MRPS7: variants seen among roughly 807,000 people sequenced by gnomAD.
The protein encoded by MRPS7 is small ribosomal subunit protein uS7m.
Under a neutral mutation model 26.2 loss-of-function variants are expected in MRPS7, and 13 were observed. The ratio of observed to expected loss-of-function variants is 0.50; its 90% CI spans 0.32 to 0.79. The LOEUF is 0.79. Among genes scored for constraint, MRPS7 ranks in the 30% least tolerant of loss-of-function variants. The pLI is 0.03. For synonymous variants in MRPS7, 129 were observed against 113.3 expected (o/e 1.14, Z -0.88); for missense variants, 318 against 312.2 (o/e 1.02, Z -0.14).
chr17:75,265,197 C>T (rs1331909161), intron 4 of MRPS7, among the ~76,000 whole-genome samples: 2 of 93,240 alleles, frequency 2.1e-5, no homozygotes, highest in African/African-American at 7.4e-5. Context: ...TGCCACCACG[C>T]CCAGCTAATT....
At chr17:75,265,382 C>T (rs1248954442) in intron 4 of MRPS7, among the ~76,000 whole-genome samples, 2 of 151,584 alleles carry the variant, frequency 1.3e-5, no homozygotes, top group Non-Finnish European at 2.9e-5. Context: ...GTTATATTGA[C>T]GAGGCTGGTC....
intron 1 of MRPS7, 34 bp from the exon 2 acceptor site, chr17:75,262,463 C>T (rs2077421696): frequency 1.2e-6 from 2 of 1,606,036 alleles, no homozygotes. Flanking sequence ...GTGGAGTCAG[C>T]TTTTGCCTGC....
intron 1 of MRPS7, 168 bp downstream of exon 1, chr17:75,262,151 A>G: frequency 2.5e-6 from 2 of 800,292 alleles, no homozygotes; most frequent in Non-Finnish European, 3.9e-6. Context: ...TTTAGTGACT[A>G]CCTCTCGCCT....
intron 4 of MRPS7, among the ~76,000 whole-genome samples, chr17:75,264,673 CTTTT>C (rs34581252): frequency 2.2e-5 from 3 of 135,236 alleles, no homozygotes; most frequent in African/African-American, 5.4e-5. Context: ...TTGTTTTTAA[CTTTT>C]TTTTTTTTTT....
chr17:75,263,497 G>T lies in MRPS7; in HGVS notation c.497G>T (p.Arg166Leu). ...CTGGTACCCATCCTCAAGGGAGGCC[G>T]TTTCTACCAGGTGAATGAATGGCCA... ...IGLVPILKGGRFYQVPVPLPD... is the reference protein window; with the variant it reads ...IGLVPILKGGLFYQVPVPLPD... The change falls in exon 4 of 5, where the codon CGT becomes CTT. Residue 166 changes from arginine (R) to leucine (L), a missense_variant. Physicochemically the swap from Arg to Leu is moderately radical, Grantham distance 102. Transcript: ENST00000245539. 1 of 1,613,952 alleles carries T rather than the reference G, an allele frequency of 6.2e-7. No homozygotes were observed. The highest frequency in any genetic ancestry group is 8.5e-7 in the Non-Finnish European group (1 of 1,180,012).
chr17:75,262,457 A>G (rs781575825), intron 1 of MRPS7, 40 bp from the exon 2 acceptor site: 1 of 1,601,168 alleles, frequency 6.2e-7, no homozygotes, highest in African/African-American at 1.3e-5. Flanking sequence ...TCGCTTGTGG[A>G]GTCAGCTTTT....
chr17:75,262,750 A>G, intron 2 of MRPS7, 54 bp from the exon 3 acceptor site: 1 of 1,613,880 alleles, frequency 6.2e-7, no homozygotes, highest in Non-Finnish European at 8.5e-7. Context: ...GTTTCTGGTG[A>G]GGATTCTGTG....
chr17:75,266,075 A>G lies in MRPS7; in HGVS notation c.*152A>G. The G allele has an allele frequency of 1.5e-6, 1 of 673,098 alleles. No homozygotes were observed. The highest frequency in any genetic ancestry group is 2.5e-6 in the Non-Finnish European group (1 of 398,966). The allele number at this position is 673,098 out of a possible 1,614,324, so 41.7% of individuals were successfully genotyped here. ...GTAGCAGCATATTCACTATCCGTTAATCCTTCTTTCTTTGAGGCTGGAACT... is the reference window on the plus strand; with the variant it reads ...GTAGCAGCATATTCACTATCCGTTAGTCCTTCTTTCTTTGAGGCTGGAACT... On this transcript the variant is annotated 3_prime_UTR_variant, in exon 5 of 5. Coordinates refer to ENST00000245539, the MANE Select transcript of MRPS7 (RefSeq NM_015971.4).
At position 75,263,024 on chromosome 17, in the gene MRPS7, A is replaced by G. The variant is rs115214743; in HGVS notation, c.339+157A>G. 4.0e-3 allele frequency: 2,845 copies of G among 713,146 alleles called. 74 individuals carry two copies. The African/African-American group carries it at 0.046, about 12-fold the overall frequency. 44.2% of individuals were successfully genotyped at this position (713,146 alleles called of 1,614,324 possible). On this transcript the variant is annotated intron_variant, in intron 3 of 4. Transcript: ENST00000245539. The stretch of plus-strand genomic sequence containing the variant: ...GTACGGGCTTTAATGAAGCCCTGTA[A>G]GAGTCAGCAACTGCCATTCCTTGGT...
chr17:75,263,607 T>C lies in MRPS7; in HGVS notation c.507+100T>C, dbSNP rs560230188. On this transcript the variant is annotated intron_variant, in intron 4 of 4. Transcript: ENST00000245539. ...TCAAGATTGATAGCTTTCTAGCTGG[T>C]GCAGTGGGATTGCACCTGTAATCTC... The C allele has an allele frequency of 9.6e-6, 14 of 1,461,232 alleles. No homozygotes were observed. The African/African-American group carries it at 1.8e-4, about 19-fold the overall frequency. The allele number at this position is 1,461,232 out of a possible 1,614,324, so 90.5% of individuals were successfully genotyped here. A position where few individuals can be genotyped will look rare whatever the true frequency, so the allele number is the denominator to read the frequency against.
chr17:75,262,448 C>G (rs1425173181), intron 1 of MRPS7, 49 bp from the exon 2 acceptor site: 1 of 1,589,824 alleles, frequency 6.3e-7, no homozygotes, highest in East Asian at 2.2e-5. Flanking sequence ...CAAACCTACT[C>G]GCTTGTGGAG....
chr17:75,263,130 C>G (rs115316560), intron 3 of MRPS7: 2 of 639,238 alleles, frequency 3.1e-6, no homozygotes, highest in Non-Finnish European at 5.3e-6. Flanking sequence ...TCACCCCCCA[C>G]CCCCTCCATG....
chr17:75,266,036 C>T lies in MRPS7; in HGVS notation c.*113C>T. Reference sequence around the variant, plus strand: ...AGTTCCTTTGTAAGGGTGGGCAGGCCTCGTAAGAAAGATGTAGCAGCATAT... The same window carrying T: ...AGTTCCTTTGTAAGGGTGGGCAGGCTTCGTAAGAAAGATGTAGCAGCATAT... On this transcript the variant is annotated 3_prime_UTR_variant, in exon 5 of 5. Transcript: ENST00000245539. 16 of 946,024 alleles carry T rather than the reference C, an allele frequency of 1.7e-5. No homozygotes were observed. The South Asian group carries it at 2.4e-4, about 14-fold the overall frequency. The allele number at this position is 946,024 out of a possible 1,614,324, so 58.6% of individuals were successfully genotyped here. A position where few individuals can be genotyped will look rare whatever the true frequency, so the allele number is the denominator to read the frequency against.
At chr17:75,263,590 G>T in intron 4 of MRPS7, 83 bp downstream of exon 4, 1 of 1,550,168 alleles carries the variant, frequency 6.5e-7, no homozygotes, top group East Asian at 2.2e-5. Flanking sequence ...GGTCAAGATT[G>T]ATAGCTTTCT....
chr17:75,262,478 T>C lies in MRPS7; in HGVS notation c.84-19T>C. 6.2e-7 allele frequency: 1 copy of C among 1,611,150 alleles called. No individual in the cohort carries two copies. The highest frequency in any genetic ancestry group is 2.2e-5 in the East Asian group (1 of 44,854). ...GTGGAGTCAGCTTTTGCCTGCCTCCTCCTTTCCCCCCCTCCCAGGCTAACT... is the reference window on the plus strand; with the variant it reads ...GTGGAGTCAGCTTTTGCCTGCCTCCCCCTTTCCCCCCCTCCCAGGCTAACT... On this transcript the variant is annotated intron_variant, in intron 1 of 4. Coordinates refer to ENST00000245539, the MANE Select transcript of MRPS7 (RefSeq NM_015971.4).
In MRPS7 at chr17:75,262,626, T is replaced by G. The variant is rs746320101; in HGVS notation, c.213T>G (p.Thr71=). The G allele has an allele frequency of 3.7e-6, 6 of 1,613,996 alleles. No homozygotes were observed. The highest frequency in any genetic ancestry group is 2.2e-5 in the South Asian group (2 of 91,092). Residue 71 remains threonine, a synonymous_variant, in exon 2 of 5, where the codon ACT becomes ACG. Coordinates refer to ENST00000245539, the MANE Select transcript of MRPS7 (RefSeq NM_015971.4). The stretch of plus-strand genomic sequence containing the variant: ...AATATGTTCGGGAGCTCAAGAAGAC[T>G]CAGCTCATCAAAGCTGCTCCAGCAG... ...EEKYVRELKK[T]QLIKAAPAGK...
intron 2 of MRPS7, 56 bp from the exon 3 acceptor site, chr17:75,262,748 T>G: frequency 6.2e-7 from 1 of 1,613,656 alleles, no homozygotes. Flanking sequence ...GGGTTTCTGG[T>G]GAGGATTCTG....
At chr17:75,262,377 C>T in intron 1 of MRPS7, 120 bp from the exon 2 acceptor site, 13 of 1,125,534 alleles carry the variant, frequency 1.2e-5, no homozygotes, top group Non-Finnish European at 1.7e-5. Flanking sequence ...TCAGGTTTAG[C>T]TCGCGGTCTC....
chr17:75,263,547 A>T, intron 4 of MRPS7, 40 bp downstream of exon 4: 1 of 1,611,340 alleles, frequency 6.2e-7, no homozygotes, highest in Non-Finnish European at 8.5e-7. Context: ...GGCCCTCCAC[A>T]TGTGAAACAA....
Sources: gnomAD v4.1 joint callset for allele counts (sites outside exome capture counted in the v4.1 genomes callset) on GRCh38, gnomAD v4.1.1 for gene constraint, MANE v1.5 for transcripts, NCBI Gene and HGNC (gene_info 2026-07-23, HGNC 2026-07-21) for gene names.